Variants in RMP64 observed in about 807,000 individuals in gnomAD.
RMP64 encodes nucleolus and neural progenitor protein.
the RMP64 span, among the ~76,000 whole-genome samples, chr3:113,018,177 G>T: frequency 2.0e-5 from 3 of 152,160 alleles, no homozygotes; most frequent in Non-Finnish European, 4.4e-5. Flanking sequence ...ATGCTTCCTA[G>T]TCTGAAAATC....
the RMP64 span, chr3:113,006,008 TAA>T: frequency 6.3e-7 from 1 of 1,596,238 alleles, no homozygotes; most frequent in South Asian, 1.1e-5. Flanking sequence ...TGGCAAACTT[TAA>T]AAGACAGAGA....
chr3:113,006,083 A>G, the RMP64 span: 9 of 958,666 alleles, frequency 9.4e-6, no homozygotes, highest in Admixed American at 2.7e-5. Flanking sequence ...TACCAACTGA[A>G]AAGAAAAATA....
the RMP64 span, chr3:113,019,557 G>A: frequency 8.5e-4 from 1,364 of 1,613,318 alleles, 10 homozygotes; most frequent in African/African-American, 0.016. Context: ...GCCGCGCCGG[G>A]GTTCTGCACT....
At chr3:113,003,593 T>TAGTAAAGGGCA in the RMP64 span, 2 of 152,058 alleles carry the variant, frequency 1.3e-5, no homozygotes, top group Non-Finnish European at 2.9e-5. Flanking sequence ...GATGGGAAAA[T>TAGTAAAGGGCA]GAGAGGAGAT....
At chr3:113,011,100 A>G in the RMP64 span, 3 of 1,612,336 alleles carry the variant, frequency 1.9e-6, no homozygotes, top group Non-Finnish European at 2.5e-6. Context: ...TATTCTGTAC[A>G]TTGATCTTCA....
chr3:113,016,448 G>A, the RMP64 span, among the ~76,000 whole-genome samples: 3 of 151,980 alleles, frequency 2.0e-5, no homozygotes, highest in Non-Finnish European at 4.4e-5. Context: ...GTAAGAGAGA[G>A]AGACTAGAGA....
At chr3:113,005,474 T>C in the RMP64 span, 2 of 1,075,614 alleles carry the variant, frequency 1.9e-6, no homozygotes, top group Non-Finnish European at 2.8e-6. Context: ...TCTTAGCAGT[T>C]CTACTTAGAA....
the RMP64 span, among the ~76,000 whole-genome samples, chr3:113,012,149 T>C: frequency 7.9e-3 from 1,203 of 152,320 alleles, 15 homozygotes; most frequent in African/African-American, 0.02. Context: ...GATGTCTCTT[T>C]AGTTTCCAAG....
chr3:113,010,780 A>G, the RMP64 span: 1 of 1,248,286 alleles, frequency 8.0e-7, no homozygotes, highest in Non-Finnish European at 1.2e-6. Flanking sequence ...TCTTAAGTGC[A>G]TGACATTTCT....
the RMP64 span, chr3:113,014,882 T>C: frequency 6.6e-6 from 1 of 152,168 alleles, no homozygotes; most frequent in Non-Finnish European, 1.5e-5. Context: ...GCAGTTCACT[T>C]ACTATGTTTT....
chr3:113,019,657 G>A, the RMP64 span: 8 of 1,609,914 alleles, frequency 5.0e-6, no homozygotes, highest in Admixed American at 1.7e-5. Flanking sequence ...TGCGAGGCGG[G>A]GGGACTTACG....
At chr3:113,010,404 T>C in the RMP64 span, 1 of 499,854 alleles carries the variant, frequency 2.0e-6, no homozygotes, top group Non-Finnish European at 3.5e-6. Flanking sequence ...TTACGGTTAC[T>C]TTAAAATTCT....
the RMP64 span, chr3:113,017,700 T>A: frequency 8.7e-7 from 1 of 1,154,402 alleles, no homozygotes; most frequent in Non-Finnish European, 1.2e-6. Flanking sequence ...TTATTTGTTT[T>A]AAAGGAATCA....
the RMP64 span, chr3:113,008,371 A>G: frequency 1.9e-6 from 3 of 1,613,400 alleles, no homozygotes; most frequent in Non-Finnish European, 2.5e-6. Flanking sequence ...TCACTTTCTG[A>G]GAAGAATACT....
At chr3:113,004,966 A>G in the RMP64 span, 1 of 154,476 alleles carries the variant, frequency 6.5e-6, no homozygotes, top group East Asian at 1.9e-4. Flanking sequence ...CAAGCAAATG[A>G]AGAGAAATAA....
At chr3:113,015,226 T>A in the RMP64 span, among the ~76,000 whole-genome samples, 39 of 152,160 alleles carry the variant, frequency 2.6e-4, no homozygotes, top group East Asian at 9.7e-4. Context: ...TTACTTTTTT[T>A]AAAAAAAATT....
the RMP64 span, chr3:113,014,350 A>T: frequency 1.0e-5 from 2 of 192,242 alleles, no homozygotes; most frequent in South Asian, 1.9e-4. Flanking sequence ...AATTTTGCTA[A>T]GACAAGATTT....
At chr3:113,017,470 T>C in the RMP64 span, 2 of 1,613,818 alleles carry the variant, frequency 1.2e-6, no homozygotes, top group Non-Finnish European at 1.7e-6. Flanking sequence ...CAAATGGGGT[T>C]TGTGGCGGCC....
At chr3:113,005,393 G>C in the RMP64 span, 5 of 615,630 alleles carry the variant, frequency 8.1e-6, no homozygotes, top group African/African-American at 1.8e-5. Context: ...AATGTAGACT[G>C]AACTGAAATG....
Sources: gnomAD v4.1 joint callset for allele counts (sites outside exome capture counted in the v4.1 genomes callset) on GRCh38, gnomAD v4.1.1 for gene constraint, MANE v1.5 for transcripts, NCBI Gene and HGNC (gene_info 2026-07-23, HGNC 2026-07-21) for gene names.